OXTR: variants seen among roughly 807,000 people sequenced by gnomAD.
OXTR encodes the protein oxytocin receptor.
OXTR carries 19 observed loss-of-function variants against 23.9 expected under a neutral mutation model. The observed-to-expected ratio is 0.80, with a 90% CI of 0.56 to 1.17. The LOEUF (loss-of-function observed/expected upper bound fraction) is 1.17. Ranked by LOEUF, OXTR falls within the 50% of genes most tolerant of loss-of-function variation. OXTR has a pLI of 0.00. For missense variants in OXTR, 500 were observed against 550.7 expected, an observed-to-expected ratio of 0.91 and a Z score of 0.92; for synonymous variants, 278 against 250.5, an observed-to-expected ratio of 1.11 and a Z score of -1.04.
chr3:8,767,068 G>C (rs1708622487), intron 3 of OXTR, among the ~76,000 whole-genome samples, 198 bp downstream of exon 3: 1 of 152,196 alleles, frequency 6.6e-6, no homozygotes. Flanking sequence ...CCACCTTACA[G>C]AAGAGAAAGT....
At position 8,764,338 on chromosome 3, in the gene OXTR, TCA is replaced by T. The variant is rs550724429; in HGVS notation, c.922+2926_922+2927del. Among the ~76,000 whole-genome samples the T allele has an allele frequency of 3.2e-3, 489 of 152,330 alleles. 1 individual carries two copies. Among genetic ancestry groups the T allele is most frequent in the Non-Finnish European group, 5.1e-3 (349 of 68,032 alleles). The stretch of plus-strand genomic sequence containing the variant: ...CACCTGCAAGCATCCCTGGATGGCA[TCA>T]CACTGTTAGCCACAGGCTTCAGTAC... On this transcript the variant is annotated intron_variant, in intron 3 of 3. Coordinates refer to ENST00000316793, the MANE Select transcript of OXTR (RefSeq NM_000916.4).
At position 8,767,510 on chromosome 3, in the gene OXTR, C is replaced by T. The variant is rs745529661; in HGVS notation, c.678G>A (p.Lys226=). 1 of 1,612,392 alleles carries T rather than the reference C, an allele frequency of 6.2e-7. No individual in the cohort carries two copies. The highest frequency in any genetic ancestry group is 8.5e-7 in the Non-Finnish European group (1 of 1,179,370). ...TCTTGAGCCGCAAGTTCTGCCAGAT[C>T]TTGAAGCTGATAAGGCCGTAGCAGG... is the stretch of plus-strand genomic sequence containing the variant. ...LAACYGLISF[K]IWQNLRLKTA... The change falls in exon 3 of 4, where the codon AAG becomes AAA. Residue 226 remains lysine (K), a synonymous_variant. Coordinates refer to ENST00000316793, the MANE Select transcript of OXTR (RefSeq NM_000916.4).
In OXTR at chr3:8,753,229, G is replaced by A. The variant is rs1407397966; in HGVS notation, c.923-5C>T. 1 of 1,613,846 alleles carries A rather than the reference G, an allele frequency of 6.2e-7. No homozygotes were observed. Among genetic ancestry groups the A allele is most frequent in the African/African-American group, 1.3e-5 (1 of 74,912 alleles). On this transcript the variant is annotated splice_region_variant and splice_polypyrimidine_tract_variant and intron_variant, in intron 3 of 3. Coordinates refer to ENST00000316793, the MANE Select transcript of OXTR (RefSeq NM_000916.4). Reference sequence around the variant, plus strand: ...TGACGATGATGAAGGCCGAGGCTGAGGGGGTGGGGGCAGGAGAAAGGAGAA... The same window carrying A: ...TGACGATGATGAAGGCCGAGGCTGAAGGGGTGGGGGCAGGAGAAAGGAGAA...
At chr3:8,756,584 T>C (rs920231208) in intron 3 of OXTR, among the ~76,000 whole-genome samples, 2 of 152,206 alleles carry the variant, frequency 1.3e-5, no homozygotes, top group African/African-American at 4.8e-5. Context: ...CCAAAACAAA[T>C]GTGGTCCACC....
At chr3:8,763,983 A>G (rs1708549824) in intron 3 of OXTR, among the ~76,000 whole-genome samples, 1 of 152,116 alleles carries the variant, frequency 6.6e-6, no homozygotes, top group Non-Finnish European at 1.5e-5. Context: ...TGAGGCACCT[A>G]AATTTTTGGC....
rs1481054821 is a variant in OXTR at position 8,750,550 on chromosome 3, C to T, written c.*2427G>A. On this transcript the variant is annotated 3_prime_UTR_variant, in exon 4 of 4. Coordinates refer to ENST00000316793, the MANE Select transcript of OXTR (RefSeq NM_000916.4). ...GTAGTCATGCCTCATCTCTCACAGC[C>T]TCCAGGCCCTGGCAAACGCTAATCT... 1 of 152,238 alleles carries T rather than the reference C, an allele frequency of 6.6e-6. No homozygotes were observed. The highest frequency in any genetic ancestry group is 1.5e-5 in the Non-Finnish European group (1 of 68,056). 9.4% of individuals were successfully genotyped at this position (152,238 alleles called of 1,614,324 possible).
At chr3:8,763,282 C>T (rs1708529637) in intron 3 of OXTR, among the ~76,000 whole-genome samples, 1 of 152,164 alleles carries the variant, frequency 6.6e-6, no homozygotes, top group Non-Finnish European at 1.5e-5. Context: ...ACCATTTAAT[C>T]CTCACATCAA....
intron 3 of OXTR, among the ~76,000 whole-genome samples, chr3:8,757,717 C>T (rs2124998896): frequency 1.3e-5 from 2 of 152,290 alleles, no homozygotes; most frequent in African/African-American, 4.8e-5. Flanking sequence ...TTACTCTCTC[C>T]CATCCTTGCC....
chr3:8,767,362 T>C lies in OXTR; in HGVS notation c.826A>G (p.Met276Val). ...ISKAKIRTVK[M>V]TFIIVLAFIV... The stretch of plus-strand genomic sequence containing the variant: ...AAGGCCAGCACGATGATGAAAGTCA[T>C]CTTGACCGTGCGGATCTTGGCCTTG... The change falls in exon 3 of 4, where the codon ATG becomes GTG. Residue 276 changes from methionine to valine, a missense_variant. Met to Val is a conservative substitution (Grantham distance 21). Transcript: ENST00000316793. 6.2e-7 allele frequency: 1 copy of C among 1,612,756 alleles called. No homozygotes were observed. Among genetic ancestry groups the C allele is most frequent in the Non-Finnish European group, 8.5e-7 (1 of 1,179,516 alleles).
chr3:8,768,211 C>T lies in OXTR; in HGVS notation c.-24G>A. On this transcript the variant is annotated 5_prime_UTR_variant, in exon 3 of 4. Coordinates refer to ENST00000316793, the MANE Select transcript of OXTR (RefSeq NM_000916.4). The surrounding 1 kb of genome is among the most constrained non-coding windows in gnomAD (Gnocchi z 5.4). Reference sequence around the variant, plus strand: ...ATGACCCTGGCGGCAGCGGTGCGCCCCGGCCTTCGAGCCCTTTACGGCTTG... The same window carrying T: ...ATGACCCTGGCGGCAGCGGTGCGCCTCGGCCTTCGAGCCCTTTACGGCTTG... 3 of 1,280,844 alleles carry T rather than the reference C, an allele frequency of 2.3e-6. No homozygotes were observed. Among genetic ancestry groups the T allele is most frequent in the Non-Finnish European group, 2.9e-6 (3 of 1,020,272 alleles). The allele number at this position is 1,280,844 out of a possible 1,614,324, so 79.3% of individuals were successfully genotyped here.
chr3:8,747,490 C>T (rs1036938124), downstream of OXTR, among the ~76,000 whole-genome samples: 5 of 152,178 alleles, frequency 3.3e-5, no homozygotes, highest in South Asian at 4.1e-4. Context: ...CTCATCTTTA[C>T]GCATGTTTAA....
intron 3 of OXTR, among the ~76,000 whole-genome samples, chr3:8,756,155 G>A (rs1451827366): frequency 6.6e-6 from 1 of 152,060 alleles, no homozygotes; most frequent in African/African-American, 2.4e-5. Flanking sequence ...CCTTTCTGAT[G>A]GCTAGAAAGG....
chr3:8,767,215 C>A, intron 3 of OXTR, 51 bp downstream of exon 3: 1 of 1,494,760 alleles, frequency 6.7e-7, no homozygotes, highest in Non-Finnish European at 8.9e-7. Flanking sequence ...AAGATAAGGG[C>A]CTCCCCCAGC....
intron 3 of OXTR, among the ~76,000 whole-genome samples, chr3:8,756,775 A>G (rs1215843524): frequency 6.6e-6 from 1 of 152,190 alleles, no homozygotes; most frequent in African/African-American, 2.4e-5. Context: ...GCTTAGTGCA[A>G]ATGTGCAAAG....
At chr3:8,764,207 ATGGG>A (rs200258798) in intron 3 of OXTR, among the ~76,000 whole-genome samples, 35,193 of 151,964 alleles carry the variant, frequency 0.23, 5,569 homozygotes, top group African/African-American at 0.45. Context: ...GGCAGCCTTG[ATGGG>A]TGGCCATTGG....
downstream of OXTR, among the ~76,000 whole-genome samples, chr3:8,749,232 T>C (rs1708215495): frequency 6.6e-6 from 1 of 152,072 alleles, no homozygotes; most frequent in South Asian, 2.1e-4. Flanking sequence ...CTATTGAAAT[T>C]GAATGTCACT....
In OXTR at chr3:8,767,279, G is replaced by A. The variant is rs769535684; in HGVS notation, c.909C>T (p.Asn303=). 4.5e-6 allele frequency: 7 copies of A among 1,552,130 alleles called. No homozygotes were observed. The highest frequency in any genetic ancestry group is 6.1e-6 in the Non-Finnish European group (7 of 1,150,256). The stretch of plus-strand genomic sequence containing the variant: ...AGCCCTGGCTACCTTCCTTGGGCGC[G>A]TTGGCATCCCAGACGCTCCACATCT... ...FVQMWSVWDA[N]APKEASAFII... is the part of the protein sequence containing the mutation. Residue 303 remains asparagine (N), a synonymous_variant, in exon 3 of 4, where the codon AAC becomes AAT. Transcript: ENST00000316793.
Position 8,752,106 on chromosome 3 carries a change from A to T in OXTR, c.*871T>A, listed in dbSNP as rs1408145928. 2.0e-5 allele frequency: 3 copies of T among 152,148 alleles called. No homozygotes were observed. Among genetic ancestry groups the T allele is most frequent in the Non-Finnish European group, 2.9e-5 (2 of 68,012 alleles). The allele number at this position is 152,148 out of a possible 1,614,324, so 9.4% of individuals were successfully genotyped here. On this transcript the variant is annotated 3_prime_UTR_variant, in exon 4 of 4. Transcript: ENST00000316793. ...TTCCTATTTTATTCTTTCTGATGGT[A>T]TTATAAATGGAATTATTTAACTTCG...
At chr3:8,745,434 C>G, downstream of OXTR, 1 of 972,088 alleles carries the variant, frequency 1.0e-6, no homozygotes, top group Non-Finnish European at 1.6e-6. The surrounding 1 kb of genome is among the most constrained non-coding windows in gnomAD (Gnocchi z 4.8). Flanking sequence ...AACCTGACCT[C>G]TAGGGGATTC....
Sources: gnomAD v4.1 joint callset for allele counts (sites outside exome capture counted in the v4.1 genomes callset) on GRCh38, gnomAD v4.1.1 for gene constraint, Gnocchi (gnomAD v3.1) non-coding constraint, MANE v1.5 for transcripts, NCBI Gene and HGNC (gene_info 2026-07-23, HGNC 2026-07-21) for gene names.